Variants in TBX21 observed in about 807,000 individuals in gnomAD.
TBX21 encodes T-box transcription factor TBX21.
In TBX21, 11 loss-of-function variants were observed where a neutral mutation model predicts 52.2. The observed-to-expected ratio is 0.21, with a 90% CI of 0.13 to 0.35. The LOEUF is 0.35. Among genes scored for constraint, TBX21 ranks in the 10% least tolerant of loss-of-function variants. The pLI, the probability that TBX21 is intolerant of heterozygous loss-of-function variation, is 1.00. For synonymous variants in TBX21, 300 were observed against 316.1 expected (o/e 0.95, Z 0.54); for missense variants, 625 against 755.1 (o/e 0.83, Z 2.02).
chr17:47,743,280 G>T, intron 3 of TBX21, 88 bp downstream of exon 3: 1 of 1,524,140 alleles, frequency 6.6e-7, no homozygotes, highest in East Asian at 2.3e-5. Context: ...TGCGGGGCCA[G>T]TTTGGTTCAT....
Position 47,745,036 on chromosome 17 carries a change from G to A in TBX21, c.1278G>A (p.Leu426=), listed in dbSNP as rs2032314191. 4.3e-6 allele frequency: 7 copies of A among 1,612,546 alleles called. No individual in the cohort carries two copies. In the South Asian group the frequency reaches 7.7e-5, roughly 18 times the overall value. Residue 426 remains leucine, a synonymous_variant, in exon 6 of 6, where the codon CTG becomes CTA. Transcript: ENST00000177694. ...CCTACTACCGAGGCCAGGAGGTCCT[G>A]GCACCTGGAGCTGGCTGGCCTGTGG... The part of the protein sequence containing the change: ...TMSYYRGQEV[L]APGAGWPVAP...
At chr17:47,740,127 G>A (rs9675078) in intron 1 of TBX21, among the ~76,000 whole-genome samples, 1,626 of 151,424 alleles carry the variant, frequency 0.011, 27 homozygotes, top group African/African-American at 0.035. Context: ...GTGCAGTGGC[G>A]CCATCTCGGG....
At chr17:47,738,380 T>C (rs1315828945) in intron 1 of TBX21, among the ~76,000 whole-genome samples, 1 of 152,078 alleles carries the variant, frequency 6.6e-6, no homozygotes, top group Non-Finnish European at 1.5e-5. Context: ...GCTGCAGCTT[T>C]GCTTTTTGTC....
rs761770839 is a variant in TBX21 at position 47,745,407 on chromosome 17, G to C, written c.*41G>C. 1.3e-6 allele frequency: 2 copies of C among 1,537,190 alleles called. No individual in the cohort carries two copies. The highest frequency in any genetic ancestry group is 2.8e-5 in the African/African-American group (2 of 72,586). On this transcript the variant is annotated 3_prime_UTR_variant, in exon 6 of 6. Transcript: ENST00000177694. Reference sequence around the variant, plus strand: ...AAAGGAACAGAAACAGTGTTATTAGGTTGGAGGACACCGACTAATTTGGGA... The same window carrying C: ...AAAGGAACAGAAACAGTGTTATTAGCTTGGAGGACACCGACTAATTTGGGA...
At chr17:47,736,374 C>G (rs1276534735) in intron 1 of TBX21, among the ~76,000 whole-genome samples, 1 of 151,998 alleles carries the variant, frequency 6.6e-6, no homozygotes, top group Non-Finnish European at 1.5e-5. Context: ...ATCTCTGCAC[C>G]TCTAAAAATG....
At position 47,744,710 on chromosome 17, in the gene TBX21, G is replaced by A. The variant is rs756847342; in HGVS notation, c.990-38G>A. The A allele has an allele frequency of 2.5e-6, 4 of 1,599,682 alleles. No individual in the cohort carries two copies. The East Asian group carries it at 8.9e-5, about 36-fold the overall frequency. ...GGTAGGCTCACAGGTGACTGGTTCT[G>A]CTTGTGACCCGTTTTCTTGCCTTCT... On this transcript the variant is annotated intron_variant, in intron 5 of 5. Transcript: ENST00000177694.
At chr17:47,734,086 G>T in intron 1 of TBX21, 141 bp downstream of exon 1, 1 of 1,414,580 alleles carries the variant, frequency 7.1e-7, no homozygotes, top group South Asian at 1.2e-5. Flanking sequence ...AGGGGAATGG[G>T]GTTGTTAGGA....
At position 47,734,020 on chromosome 17, in the gene TBX21, TC is replaced by T. The variant is rs544942360; in HGVS notation, c.491+76del. On this transcript the variant is annotated intron_variant, in intron 1 of 5. Transcript: ENST00000177694. ...AGAACGTCTCGTCTGTTTTTCTGGC[TC>T]GACAATGCTTCTGACTCCGTGTCCC... 2.7e-5 allele frequency: 44 copies of T among 1,603,616 alleles called. No homozygotes were observed. The East Asian group carries it at 3.1e-4, about 11-fold the overall frequency.
chr17:47,742,766 TGC>T lies in TBX21; in HGVS notation c.646+9_646+10del. The T allele has an allele frequency of 6.4e-7, 1 of 1,562,934 alleles. No homozygotes were observed. The highest frequency in any genetic ancestry group is 1.9e-5 in the Admixed American group (1 of 51,918). ...GAAAGGCCGAGGGCAGCATGCCAGG[TGC>T]GCGCGCCCCTGGGAGCGGTGGGCTC... is the stretch of plus-strand genomic sequence containing the variant. On this transcript the variant is annotated splice_donor_region_variant and intron_variant, in intron 2 of 5. Coordinates refer to ENST00000177694, the MANE Select transcript of TBX21 (RefSeq NM_013351.2). This position sits in a 1 kb window ranked among gnomAD's most constrained non-coding sequence, Gnocchi z 4.4.
chr17:47,734,462 GGT>G (rs1597981581), intron 1 of TBX21, among the ~76,000 whole-genome samples: 2 of 151,958 alleles, frequency 1.3e-5, no homozygotes, highest in African/African-American at 2.4e-5. Flanking sequence ...CGGTGGTGGT[GGT>G]GTGTGTGTAC....
intron 1 of TBX21, among the ~76,000 whole-genome samples, chr17:47,739,161 A>T (rs1166993746): frequency 2.6e-5 from 4 of 152,102 alleles, no homozygotes; most frequent in Non-Finnish European, 5.9e-5. Context: ...CACCAGACCC[A>T]TCACCACTCT....
chr17:47,742,554 G>GA lies in TBX21; in HGVS notation c.492-55dup. 1 of 1,524,560 alleles carries GA rather than the reference G, an allele frequency of 6.6e-7. No homozygotes were observed. The highest frequency in any genetic ancestry group is 1.8e-4 in the Middle Eastern group (1 of 5,680). The allele number at this position is 1,524,560 out of a possible 1,614,324, so 94.4% of individuals were successfully genotyped here. A position where few individuals can be genotyped will look rare whatever the true frequency, so the allele number is the denominator to read the frequency against. Reference sequence around the variant, plus strand: ...GATGCCTGGGCACTGTTGCAGGGGGGACTGGCTGTCAAGCTGGAGCTGATG... The same window carrying GA: ...GATGCCTGGGCACTGTTGCAGGGGGGAACTGGCTGTCAAGCTGGAGCTGATG... On this transcript the variant is annotated intron_variant, in intron 1 of 5. Coordinates refer to ENST00000177694, the MANE Select transcript of TBX21 (RefSeq NM_013351.2). This position sits in a 1 kb window ranked among gnomAD's most constrained non-coding sequence, Gnocchi z 4.4.
Position 47,742,785 on chromosome 17 carries a change from G to A in TBX21, c.646+21G>A, listed in dbSNP as rs2032281717. 5.8e-6 allele frequency: 9 copies of A among 1,547,992 alleles called. No individual in the cohort carries two copies. In the Admixed American group the frequency reaches 9.8e-5, roughly 17 times the overall value. On this transcript the variant is annotated intron_variant, in intron 2 of 5. Coordinates refer to ENST00000177694, the MANE Select transcript of TBX21 (RefSeq NM_013351.2). The surrounding 1 kb of genome is among the most constrained non-coding windows in gnomAD (Gnocchi z 4.4). ...GCCAGGTGCGCGCGCCCCTGGGAGC[G>A]GTGGGCTCTGTTTCGCTGGGACTGG... is the stretch of plus-strand genomic sequence containing the variant.
chr17:47,736,753 T>C (rs528398369), intron 1 of TBX21, among the ~76,000 whole-genome samples: 1 of 152,284 alleles, frequency 6.6e-6, no homozygotes, highest in South Asian at 2.1e-4. Flanking sequence ...TTTGGGCTTA[T>C]AGCACAGCTT....
At chr17:47,737,670 G>A (rs2032221096) in intron 1 of TBX21, among the ~76,000 whole-genome samples, 1 of 150,898 alleles carries the variant, frequency 6.6e-6, no homozygotes, top group Non-Finnish European at 1.5e-5. Flanking sequence ...CTGTCCCCCA[G>A]GCTGGAGTGC....
intron 1 of TBX21, among the ~76,000 whole-genome samples, chr17:47,736,594 C>G (rs1236765339): frequency 6.6e-6 from 1 of 152,058 alleles, no homozygotes; most frequent in Non-Finnish European, 1.5e-5. Flanking sequence ...TTTCTTGGAT[C>G]AGGCTTCATA....
At chr17:47,744,162 C>T in intron 3 of TBX21, 33 bp from the exon 4 acceptor site, 1 of 1,605,436 alleles carries the variant, frequency 6.2e-7, no homozygotes, top group South Asian at 1.1e-5. Context: ...ATCCTTCCTC[C>T]CCACCCCTAC....
Position 47,733,931 on chromosome 17 carries a change from C to A in TBX21, c.477C>A (p.Ile159=), listed in dbSNP as rs753340941. 6.2e-7 allele frequency: 1 copy of A among 1,613,518 alleles called. No homozygotes were observed. The highest frequency in any genetic ancestry group is 1.1e-5 in the South Asian group (1 of 91,072). ...KFNQHQTEMI[I]TKQGRRMFPF... ...ATCAGCACCAGACAGAGATGATCATCACCAAGCAGGGACGGTGAGTGCGGC... is the reference window on the plus strand; with the variant it reads ...ATCAGCACCAGACAGAGATGATCATAACCAAGCAGGGACGGTGAGTGCGGC... Residue 159 remains isoleucine (I), a synonymous_variant, in exon 1 of 6, where the codon ATC becomes ATA. Coordinates refer to ENST00000177694, the MANE Select transcript of TBX21 (RefSeq NM_013351.2). The surrounding 1 kb of genome is among the most constrained non-coding windows in gnomAD (Gnocchi z 6.6).
Position 47,742,916 on chromosome 17 carries a change from C to T in TBX21, c.646+152C>T. 6.7e-7 allele frequency: 1 copy of T among 1,493,198 alleles called. No individual in the cohort carries two copies. Among genetic ancestry groups the T allele is most frequent in the Non-Finnish European group, 8.9e-7 (1 of 1,118,642 alleles). The allele number at this position is 1,493,198 out of a possible 1,614,324, so 92.5% of individuals were successfully genotyped here. On this transcript the variant is annotated intron_variant, in intron 2 of 5. Transcript: ENST00000177694. The surrounding 1 kb of genome is among the most constrained non-coding windows in gnomAD (Gnocchi z 4.4). Reference sequence around the variant, plus strand: ...CATCCCTCCTGTTTCTGGCTTCCTGCTTTGCTCTAGCCTGTCCTCTGCTGA... The same window carrying T: ...CATCCCTCCTGTTTCTGGCTTCCTGTTTTGCTCTAGCCTGTCCTCTGCTGA...
Sources: gnomAD v4.1 joint callset for allele counts (sites outside exome capture counted in the v4.1 genomes callset) on GRCh38, gnomAD v4.1.1 for gene constraint, Gnocchi (gnomAD v3.1) non-coding constraint, MANE v1.5 for transcripts, NCBI Gene and HGNC (gene_info 2026-07-23, HGNC 2026-07-21) for gene names.